The following LYPD6 variants were observed in gnomAD, a reference collection of about 807,000 sequenced individuals.
LYPD6 encodes the protein LY6/PLAUR domain containing 6, also known as ly6/PLAUR domain-containing protein 6.
A neutral mutation model predicts 22.7 loss-of-function variants in LYPD6; 15 were observed. The observed-to-expected ratio is 0.66, with a 90% CI of 0.44 to 1.02. The LOEUF is 1.02. LYPD6 is among the 50% of genes least tolerant of loss of function. LYPD6 has a pLI of 0.00. For missense variants in LYPD6, 189 were observed against 208.4 expected (o/e 0.91, Z 0.57); for synonymous variants, 72 against 77.5 (o/e 0.93, Z 0.37).
At chr2:149,442,491 C>T (rs1573811734) in intron 2 of LYPD6, among the ~76,000 whole-genome samples, 1 of 151,972 alleles carries the variant, frequency 6.6e-6, no homozygotes, top group South Asian at 2.1e-4. Context: ...CCCTGAAATA[C>T]AGAGTACTGA....
At chr2:149,339,296 T>C (rs774862344) in intron 1 of LYPD6, among the ~76,000 whole-genome samples, 44 of 152,124 alleles carry the variant, frequency 2.9e-4, no homozygotes, top group Non-Finnish European at 4.7e-4. Context: ...GGCTCAGGTG[T>C]GAAGAGATGA....
chr2:149,354,645 T>C (rs780575681), intron 1 of LYPD6, among the ~76,000 whole-genome samples: 1 of 152,212 alleles, frequency 6.6e-6, no homozygotes, highest in Non-Finnish European at 1.5e-5. Flanking sequence ...GCACCTGTGT[T>C]GTTGGAAAAC....
chr2:149,459,160 G>T (rs551724351), intron 3 of LYPD6, among the ~76,000 whole-genome samples: 3 of 152,206 alleles, frequency 2.0e-5, no homozygotes, highest in African/African-American at 7.2e-5. Flanking sequence ...AATAGCAAGA[G>T]AAAAAGAACA....
At chr2:149,427,942 C>T (rs1683220794) in intron 1 of LYPD6, among the ~76,000 whole-genome samples, 1 of 152,230 alleles carries the variant, frequency 6.6e-6, no homozygotes, top group Non-Finnish European at 1.5e-5. Flanking sequence ...GGCAAGACAG[C>T]TTTTCCCTAT....
intron 1 of LYPD6, among the ~76,000 whole-genome samples, chr2:149,431,314 A>G (rs1683307621): frequency 6.6e-6 from 1 of 152,230 alleles, no homozygotes. Context: ...AAGGCACTGC[A>G]GATTCTGTGG....
At position 149,437,829 on chromosome 2, in the gene LYPD6, A is replaced by T; in HGVS notation, c.118+3A>T. 6.2e-7 allele frequency: 1 copy of T among 1,613,742 alleles called. No individual in the cohort carries two copies. Among genetic ancestry groups the T allele is most frequent in the Non-Finnish European group, 8.5e-7 (1 of 1,179,664 alleles). The stretch of plus-strand genomic sequence containing the variant: ...CATTATCTACCTCCATCCTTCAAGT[A>T]AGACTGTTCTCTTTGCTGCAGAAAT... On this transcript the variant is annotated splice_donor_region_variant and intron_variant, in intron 2 of 4. Transcript: ENST00000334166.
chr2:149,337,411 G>C (rs755765356), intron 1 of LYPD6, among the ~76,000 whole-genome samples: 2 of 152,098 alleles, frequency 1.3e-5, no homozygotes, highest in Non-Finnish European at 2.9e-5. Context: ...GGTTTGTGCT[G>C]GTCATCTGGG....
chr2:149,406,175 A>AGGTGT (rs975474976), intron 1 of LYPD6, among the ~76,000 whole-genome samples: 1 of 149,614 alleles, frequency 6.7e-6, no homozygotes, highest in Non-Finnish European at 1.5e-5. Flanking sequence ...ATTTTGGAAT[A>AGGTGT]GGTGTGGTGT....
chr2:149,440,740 G>A (rs996887008), intron 2 of LYPD6, among the ~76,000 whole-genome samples: 22 of 119,104 alleles, frequency 1.8e-4, no homozygotes, highest in Admixed American at 7.0e-4. Flanking sequence ...TCACTCTGTC[G>A]CCCAGGCTGG....
intron 1 of LYPD6, among the ~76,000 whole-genome samples, chr2:149,347,198 AAGAG>A (rs1204134900): frequency 6.6e-6 from 1 of 152,062 alleles, no homozygotes; most frequent in Non-Finnish European, 1.5e-5. Flanking sequence ...GTGGAGGAAG[AAGAG>A]AGAAGAGAGA....
At chr2:149,405,423 G>T (rs1250387190) in intron 1 of LYPD6, among the ~76,000 whole-genome samples, 6 of 152,168 alleles carry the variant, frequency 3.9e-5, no homozygotes, top group Non-Finnish European at 8.8e-5. Context: ...CCTGTTATTG[G>T]TCTATTCAGG....
At chr2:149,452,483 C>T (rs1005302431) in intron 3 of LYPD6, among the ~76,000 whole-genome samples, 1 of 152,212 alleles carries the variant, frequency 6.6e-6, no homozygotes, top group African/African-American at 2.4e-5. Flanking sequence ...AGCTCTAGGA[C>T]TACCAATGGG....
intron 3 of LYPD6, among the ~76,000 whole-genome samples, chr2:149,454,443 G>A (rs1168795866): frequency 6.6e-6 from 1 of 152,140 alleles, no homozygotes; most frequent in African/African-American, 2.4e-5. Flanking sequence ...ACAAAGTCAT[G>A]TTTTCTCAGG....
intron 1 of LYPD6, among the ~76,000 whole-genome samples, chr2:149,401,306 C>A (rs1185045379): frequency 6.6e-6 from 1 of 152,184 alleles, no homozygotes; most frequent in Non-Finnish European, 1.5e-5. Context: ...TATTTTGGGT[C>A]AGGCCGGTTG....
At chr2:149,438,413 GAC>G (rs1683483638) in intron 2 of LYPD6, among the ~76,000 whole-genome samples, 2 of 152,212 alleles carry the variant, frequency 1.3e-5, no homozygotes, top group Non-Finnish European at 2.9e-5. Flanking sequence ...TTCTGCTGCA[GAC>G]ATTCTAAGGA....
intron 3 of LYPD6, among the ~76,000 whole-genome samples, chr2:149,457,151 T>C (rs1680975926): frequency 6.6e-6 from 1 of 152,226 alleles, no homozygotes; most frequent in Non-Finnish European, 1.5e-5. Context: ...GGTTTACTTT[T>C]AGTAGTCCTG....
chr2:149,438,701 T>A (rs1683489864), intron 2 of LYPD6, among the ~76,000 whole-genome samples: 1 of 152,240 alleles, frequency 6.6e-6, no homozygotes, highest in Non-Finnish European at 1.5e-5. Flanking sequence ...CTTTTGAGGA[T>A]CACATAGTCT....
At chr2:149,466,054 A>C (rs1196979077) in intron 3 of LYPD6, among the ~76,000 whole-genome samples, 1 of 152,160 alleles carries the variant, frequency 6.6e-6, no homozygotes, top group African/African-American at 2.4e-5. Flanking sequence ...AGGAGTTTTC[A>C]AAATGCATAG....
intron 1 of LYPD6, among the ~76,000 whole-genome samples, chr2:149,342,543 T>G: frequency 6.6e-6 from 1 of 152,166 alleles, no homozygotes; most frequent in South Asian, 2.1e-4. Flanking sequence ...TATAGCAAAT[T>G]TACTATGTAT....
Sources: gnomAD v4.1 joint callset for allele counts (sites outside exome capture counted in the v4.1 genomes callset) on GRCh38, gnomAD v4.1.1 for gene constraint, MANE v1.5 for transcripts, NCBI Gene and HGNC (gene_info 2026-07-23, HGNC 2026-07-21) for gene names.